SYT7: variants seen among roughly 807,000 people sequenced by gnomAD.
SYT7 encodes synaptotagmin 7, also known as synaptotagmin-7.
SYT7 carries 29 observed loss-of-function variants against 75.1 expected under a neutral mutation model. The ratio of observed to expected loss-of-function variants is 0.39; its 90% confidence interval spans 0.29 to 0.53. The LOEUF is 0.53. Ranked by LOEUF, SYT7 falls within the 20% of genes least tolerant of loss-of-function variation. SYT7 has a pLI of 0.77. For synonymous variants in SYT7, 376 were observed against 401.7 expected, an observed-to-expected ratio of 0.94 and a Z score of 0.76; for missense variants, 693 against 953.2, an observed-to-expected ratio of 0.73 and a Z score of 3.59.
At position 61,538,226 on chromosome 11, in the gene SYT7, A is replaced by T; in HGVS notation, c.982T>A (p.Ser328Thr). The change falls in exon 7 of 13, where the codon TCG (serine) becomes ACG (threonine). Residue 328 changes from serine to threonine, a missense_variant. Around this residue, in one of 2 missense-constraint regions of SYT7, gnomAD observed 487 missense variants for 593.2 expected, o/e 0.82. Coordinates refer to ENST00000539008, the MANE Select transcript of SYT7 (RefSeq NM_001365809.2). ...ATATTGGCAAAGTCATCCTGTTCCG[A>T]AAGCCCTAAGACCAAGGATAGCACC... ...MVVLSLVLGLSEQDDFANIPD... is the reference protein window; with the variant it reads ...MVVLSLVLGLTEQDDFANIPD... The T allele has an allele frequency of 1.3e-6, 2 of 1,535,986 alleles. No homozygotes were observed. Among genetic ancestry groups the T allele is most frequent in the Non-Finnish European group, 1.7e-6 (2 of 1,146,852 alleles).
intron 5 of SYT7, among the ~76,000 whole-genome samples, chr11:61,544,038 A>G (rs1191874682): frequency 6.6e-6 from 1 of 152,206 alleles, no homozygotes. Context: ...ATTGGAACCA[A>G]GCCATTGGCA....
Position 61,517,430 on chromosome 11 carries a change from A to G in SYT7, c.*1197T>C, listed in dbSNP as rs2071306129. The G allele has an allele frequency of 2.5e-6, 1 of 398,860 alleles. No homozygotes were observed. The highest frequency in any genetic ancestry group is 4.4e-6 in the Non-Finnish European group (1 of 226,254). The allele number at this position is 398,860 out of a possible 1,614,324, so 24.7% of individuals were successfully genotyped here. A position where few individuals can be genotyped will look rare whatever the true frequency, so the allele number is the denominator to read the frequency against. ...GGGGACCAGGGAGTGGGGAAGGGTG[A>G]GAAGACAGTCCTGGAGAAGGTCAGG... On this transcript the variant is annotated 3_prime_UTR_variant, in exon 13 of 13. Coordinates refer to ENST00000539008, the MANE Select transcript of SYT7 (RefSeq NM_001365809.2).
chr11:61,514,703 G>A lies in SYT7; in HGVS notation c.*3924C>T, dbSNP rs1174799719. Among the ~76,000 whole-genome samples, 2 of 152,304 alleles carry A rather than the reference G, an allele frequency of 1.3e-5. No homozygotes were observed. The highest frequency in any genetic ancestry group is 4.8e-5 in the African/African-American group (2 of 41,568). On this transcript the variant is annotated 3_prime_UTR_variant, in exon 13 of 13. Coordinates refer to ENST00000539008, the MANE Select transcript of SYT7 (RefSeq NM_001365809.2). Reference sequence around the variant, plus strand: ...GCCCAGGGCCACAGAGGCTGCAGAAGGGATTACAACCCAGCTTCCCACACC... The same window carrying A: ...GCCCAGGGCCACAGAGGCTGCAGAAAGGATTACAACCCAGCTTCCCACACC...
intron 3 of SYT7, 30 bp from the exon 4 acceptor site, chr11:61,547,338 C>T (rs918154088): frequency 1.4e-5 from 22 of 1,533,590 alleles, no homozygotes; most frequent in African/African-American, 2.7e-5. Flanking sequence ...GGGGAGAAAA[C>T]AGGGAGATAC....
chr11:61,528,042 C>T lies in SYT7; in HGVS notation c.1344G>A (p.Lys448=). ...KIMKAQELPA[K]DFSGTSDPFV... is the part of the protein sequence containing the mutation. ...AGGGGTCGCTGGTGCCGCTGAAGTC[C>T]TTGGCCGGCAGCTCCTGGGCCTTCA... Residue 448 remains lysine (K), a synonymous_variant, in exon 9 of 13, where the codon AAG becomes AAA. Transcript: ENST00000539008. 3.7e-6 allele frequency: 6 copies of T among 1,614,138 alleles called. No individual in the cohort carries two copies. The highest frequency in any genetic ancestry group is 5.1e-6 in the Non-Finnish European group (6 of 1,180,034).
At chr11:61,556,312 T>C (rs1248174439) in intron 1 of SYT7, 105 bp from the exon 2 acceptor site, 3 of 879,276 alleles carry the variant, frequency 3.4e-6, no homozygotes, top group Non-Finnish European at 5.2e-6. Context: ...TCTGGCCCCT[T>C]CACTGGGAGC....
chr11:61,523,905 T>G lies in SYT7; in HGVS notation c.1678A>C (p.Asn560His). ...ACGATGATGGAGTTGGCAGAGGGGT[T>G]GTAGCAGAGAGACAAGAGCAGCTCC... The part of the protein sequence containing the change: ...RGELLLSLCY[N>H]PSANSIIVNI... The change falls in exon 11 of 13, where the codon AAC becomes CAC. Residue 560 changes from asparagine (N) to histidine (H), a missense_variant. Physicochemically the swap from Asn to His is moderately conservative, Grantham distance 68 (BLOSUM62 1). Transcript: ENST00000539008. The surrounding 1 kb of genome is among the most constrained non-coding windows in gnomAD (Gnocchi z 5.0). 2 of 1,613,978 alleles carry G rather than the reference T, an allele frequency of 1.2e-6. No homozygotes were observed. The highest frequency in any genetic ancestry group is 2.2e-5 in the South Asian group (2 of 91,068).
intron 8 of SYT7, chr11:61,530,913 G>A (rs2062685126): frequency 1.4e-5 from 14 of 985,302 alleles, no homozygotes; most frequent in Admixed American, 6.1e-5. Context: ...CTTCCTGAGC[G>A]CTTGCACCAG....
rs1441641410 is a variant in SYT7, at chr11:61,513,888, C to G, written c.*4739G>C. On this transcript the variant is annotated 3_prime_UTR_variant, in exon 13 of 13. Coordinates refer to ENST00000539008, the MANE Select transcript of SYT7 (RefSeq NM_001365809.2). ...CACGGGAAACAGATGGTCTGGGGAG[C>G]CACGAGCTGGGGCATCGGCGTGCTC... is the stretch of plus-strand genomic sequence containing the variant. 1.3e-5 allele frequency among the ~76,000 whole-genome samples: 2 copies of G among 152,188 alleles called. No individual in the cohort carries two copies. Among genetic ancestry groups the G allele is most frequent in the Admixed American group, 6.5e-5 (1 of 15,274 alleles).
At chr11:61,550,365 T>G (rs528477654) in intron 3 of SYT7, among the ~76,000 whole-genome samples, 2 of 143,018 alleles carry the variant, frequency 1.4e-5, no homozygotes, top group Non-Finnish European at 1.5e-5. Flanking sequence ...GGTGGAGAAA[T>G]AGGAAAGGGA....
At chr11:61,538,330 G>A in intron 6 of SYT7, 64 bp from the exon 7 acceptor site, 4 of 1,191,842 alleles carry the variant, frequency 3.4e-6, no homozygotes, top group Non-Finnish European at 4.6e-6. Flanking sequence ...CGGGGGCAGG[G>A]GGGAAGGAGA....
chr11:61,562,788 T>C (rs1164881527), intron 1 of SYT7, among the ~76,000 whole-genome samples: 1 of 152,104 alleles, frequency 6.6e-6, no homozygotes, highest in Admixed American at 6.5e-5. Flanking sequence ...AGGCTGGGCC[T>C]CAGGTGTGAA....
intron 7 of SYT7, among the ~76,000 whole-genome samples, chr11:61,535,146 A>G (rs561564063): frequency 5.3e-5 from 8 of 152,332 alleles, no homozygotes; most frequent in African/African-American, 1.9e-4. Context: ...CGAGGGGCCC[A>G]TCACCGGCCC....
chr11:61,563,876 A>G (rs1360241809), intron 1 of SYT7, among the ~76,000 whole-genome samples: 2 of 152,198 alleles, frequency 1.3e-5, no homozygotes, highest in Non-Finnish European at 2.9e-5. Context: ...TGAGACCCCC[A>G]GCTCACTCAG....
intron 9 of SYT7, chr11:61,526,240 T>G (rs2062512580): frequency 6.6e-6 from 1 of 152,162 alleles, no homozygotes; most frequent in East Asian, 1.9e-4. Context: ...GTGTCTTGCT[T>G]ATTTCAGAGC....
chr11:61,515,111 GA>G lies in SYT7; in HGVS notation c.*3515del, dbSNP rs1417044019. Among the ~76,000 whole-genome samples, 1 of 152,232 alleles carries G rather than the reference GA, an allele frequency of 6.6e-6. No homozygotes were observed. Among genetic ancestry groups the G allele is most frequent in the East Asian group, 1.9e-4 (1 of 5,198 alleles). ...ATGTAGCTGCCTCTCTGCTTTCTGG[GA>G]AGCCAGTGGGATCATATTCTATAGA... is the stretch of plus-strand genomic sequence containing the variant. On this transcript the variant is annotated 3_prime_UTR_variant, in exon 13 of 13. Coordinates refer to ENST00000539008, the MANE Select transcript of SYT7 (RefSeq NM_001365809.2).
chr11:61,549,272 G>A (rs1034109211), intron 3 of SYT7, among the ~76,000 whole-genome samples: 1 of 152,082 alleles, frequency 6.6e-6, no homozygotes, highest in Admixed American at 6.5e-5. Context: ...CTGCGGTACT[G>A]GAAAAAAGGA....
At chr11:61,540,120 C>G (rs1052846409) in intron 6 of SYT7, 1 of 152,194 alleles carries the variant, frequency 6.6e-6, no homozygotes, top group Non-Finnish European at 1.5e-5. Context: ...ATTCCCGATT[C>G]GTCACTCTCT....
In SYT7 at chr11:61,517,792, G is replaced by A; in HGVS notation, c.*835C>T. ...TCAGTGTTCAAGAGATGAAATTGCT[G>A]AGGAGGGAACTACTTCAGATTCTGA... On this transcript the variant is annotated 3_prime_UTR_variant, in exon 13 of 13. Transcript: ENST00000539008. 1 of 377,000 alleles carries A rather than the reference G, an allele frequency of 2.7e-6. No individual in the cohort carries two copies. The highest frequency in any genetic ancestry group is 4.7e-6 in the Non-Finnish European group (1 of 213,548). 23.4% of individuals were successfully genotyped at this position (377,000 alleles called of 1,614,324 possible).
Sources: gnomAD v4.1 joint callset for allele counts (sites outside exome capture counted in the v4.1 genomes callset) on GRCh38, gnomAD v4.1.1 for gene constraint, gnomAD v4.1.1 regional missense constraint, Gnocchi (gnomAD v3.1) non-coding constraint, MANE v1.5 for transcripts, NCBI Gene and HGNC (gene_info 2026-07-23, HGNC 2026-07-21) for gene names.